CCDC178: variants seen among roughly 807,000 people sequenced by gnomAD.
CCDC178 encodes coiled-coil domain-containing protein 178.
A neutral mutation model predicts 117.4 loss-of-function variants in CCDC178; 126 were observed. That is an observed-to-expected ratio of 1.07 (90% CI 0.93 to 1.24). The LOEUF (loss-of-function observed/expected upper bound fraction) is 1.24. Ranked by LOEUF, CCDC178 falls within the 50% of genes most tolerant of loss-of-function variation. The pLI is 0.00. For missense variants in CCDC178, 1,030 were observed against 986.9 expected, an observed-to-expected ratio of 1.04 and a Z score of -0.59; for synonymous variants, 283 against 313.4, an observed-to-expected ratio of 0.90 and a Z score of 1.02.
intron 20 of CCDC178, among the ~76,000 whole-genome samples, chr18:33,156,660 AAG>A (rs1555652196): frequency 4.0e-5 from 6 of 151,158 alleles, no homozygotes; most frequent in African/African-American, 1.5e-4. Flanking sequence ...AAAAAAAAAA[AAG>A]AGAAAATAAA....
chr18:33,105,327 C>T (rs1394077757), intron 20 of CCDC178, among the ~76,000 whole-genome samples: 1 of 151,588 alleles, frequency 6.6e-6, no homozygotes, highest in East Asian at 1.9e-4. Flanking sequence ...TTAATTTCCC[C>T]ACTTCTGTGA....
At chr18:33,386,396 TACAACAACAAAAACAACAACA>T (rs1362733982) in intron 5 of CCDC178, among the ~76,000 whole-genome samples, 18 of 151,504 alleles carry the variant, frequency 1.2e-4, no homozygotes, top group African/African-American at 4.4e-4. Flanking sequence ...ACAACAGAGA[TACAACAACAAAAACAACAACA>T]ACAACAACAA....
chr18:33,117,829 T>A (rs1359395211), intron 20 of CCDC178, among the ~76,000 whole-genome samples: 2 of 152,112 alleles, frequency 1.3e-5, no homozygotes, highest in Non-Finnish European at 2.9e-5. Context: ...CAAACCCTCA[T>A]TCTTGAAGAG....
At chr18:32,995,241 A>G (rs539242738) in intron 21 of CCDC178, among the ~76,000 whole-genome samples, 47 of 152,338 alleles carry the variant, frequency 3.1e-4, no homozygotes, top group African/African-American at 1.1e-3. Flanking sequence ...AGGGTTTAAC[A>G]ATGTAGTAGA....
chr18:33,130,414 T>C (rs1286900645), intron 20 of CCDC178, among the ~76,000 whole-genome samples: 3 of 152,076 alleles, frequency 2.0e-5, no homozygotes, highest in East Asian at 1.9e-4. Context: ...AATTATTATG[T>C]AGTTTGACTT....
Position 33,045,493 on chromosome 18 carries a change from A to C in CCDC178, c.2388+47268T>G, listed in dbSNP as rs9955804. Among the ~76,000 whole-genome samples the C allele has an allele frequency of 1.1e-3, 160 of 152,302 alleles. 2 individuals are homozygous for C. Among genetic ancestry groups the C allele is most frequent in the African/African-American group, 3.7e-3 (153 of 41,578 alleles). On this transcript the variant is annotated intron_variant, in intron 21 of 22. Transcript: ENST00000383096. The stretch of plus-strand genomic sequence containing the variant: ...ACATCTACTTTGCCAGGTTCTGTGC[A>C]GAGTGTTTGGGAGAACAAATGATGT...
chr18:33,036,482 G>T (rs1178918165), intron 21 of CCDC178, among the ~76,000 whole-genome samples: 1 of 151,866 alleles, frequency 6.6e-6, no homozygotes, highest in Non-Finnish European at 1.5e-5. Context: ...ATGACACAGG[G>T]AGAGAAAGCT....
At chr18:32,986,664 G>T (rs538274873) in intron 21 of CCDC178, among the ~76,000 whole-genome samples, 1 of 152,104 alleles carries the variant, frequency 6.6e-6, no homozygotes, top group Non-Finnish European at 1.5e-5. Context: ...GAGGCTCTGA[G>T]TTGCAAGAAG....
intron 21 of CCDC178, among the ~76,000 whole-genome samples, chr18:33,002,834 A>T (rs1403575779): frequency 6.6e-6 from 1 of 152,178 alleles, no homozygotes. Flanking sequence ...ATCAGAAATG[A>T]AAAAGGAGAC....
chr18:33,235,627 G>C lies in CCDC178; in HGVS notation c.1594-8772C>G, dbSNP rs536524527. On this transcript the variant is annotated intron_variant, in intron 15 of 22. Transcript: ENST00000383096. ...GCACTATGATTCTAACCTGGAACCA[G>C]AGTGACCTGATGTTCTCACTTTTCC... 3.9e-5 allele frequency among the ~76,000 whole-genome samples: 6 copies of C among 152,188 alleles called. No individual in the cohort carries two copies. In the East Asian group the frequency reaches 9.7e-4, roughly 25 times the overall value.
chr18:33,219,224 A>C (rs2059203010), intron 18 of CCDC178, among the ~76,000 whole-genome samples: 1 of 152,140 alleles, frequency 6.6e-6, no homozygotes, highest in African/African-American at 2.4e-5. Context: ...TATCACAATG[A>C]GATACCATCT....
At chr18:33,281,116 A>AT (rs397732677) in intron 12 of CCDC178, among the ~76,000 whole-genome samples, 9,961 of 151,064 alleles carry the variant, frequency 0.066, 526 homozygotes, top group African/African-American at 0.14. Context: ...AATAATAATA[A>AT]AGAAACACAC....
At chr18:33,066,889 C>G (rs1397376228) in intron 21 of CCDC178, among the ~76,000 whole-genome samples, 1 of 152,082 alleles carries the variant, frequency 6.6e-6, no homozygotes, top group Admixed American at 6.5e-5. Flanking sequence ...GAGATAGACT[C>G]TAATACAGTA....
intron 21 of CCDC178, among the ~76,000 whole-genome samples, chr18:33,027,070 T>C (rs1459402936): frequency 6.6e-6 from 1 of 151,854 alleles, no homozygotes; most frequent in African/African-American, 2.4e-5. Context: ...TTGAAATGCA[T>C]TGCAAAACTT....
At chr18:33,357,644 T>C (rs2063074196) in intron 6 of CCDC178, among the ~76,000 whole-genome samples, 1 of 152,134 alleles carries the variant, frequency 6.6e-6, no homozygotes, top group Non-Finnish European at 1.5e-5. Flanking sequence ...TTTCTACAGA[T>C]ATATTCTAAG....
chr18:33,433,413 C>T (rs2144976971), intron 2 of CCDC178, among the ~76,000 whole-genome samples: 1 of 152,224 alleles, frequency 6.6e-6, no homozygotes, highest in Admixed American at 6.5e-5. Flanking sequence ...TTAATTACGA[C>T]CTTGTCAAAA....
chr18:33,168,492 A>T (rs1260500351), intron 20 of CCDC178, among the ~76,000 whole-genome samples: 2 of 152,204 alleles, frequency 1.3e-5, no homozygotes, highest in African/African-American at 2.4e-5. Flanking sequence ...AAGTTAAAAA[A>T]TACTTTTTCC....
At position 33,060,545 on chromosome 18, in the gene CCDC178, AT is replaced by A. The variant is rs112905981; in HGVS notation, c.2388+32215del. Among the ~76,000 whole-genome samples, 561 of 148,802 alleles carry A rather than the reference AT, an allele frequency of 3.8e-3. 2 individuals are homozygous for A. Among genetic ancestry groups the A allele is most frequent in the East Asian group, 0.012 (63 of 5,104 alleles). On this transcript the variant is annotated intron_variant, in intron 21 of 22. Coordinates refer to ENST00000383096, the MANE Select transcript of CCDC178 (RefSeq NM_001105528.4). Reference sequence around the variant, plus strand: ...TTGTACTTTTTAAAATTAAAATTACATTTTTTTTTTTAATTTTTAGTTTCTG... The same window carrying A: ...TTGTACTTTTTAAAATTAAAATTACATTTTTTTTTTAATTTTTAGTTTCTG...
intron 9 of CCDC178, 42 bp from the exon 10 acceptor site, chr18:33,333,436 G>A: frequency 1.1e-6 from 1 of 941,526 alleles, no homozygotes; most frequent in Non-Finnish European, 1.5e-6. Context: ...TCTGATTGGA[G>A]GAAATATTTG....
Sources: gnomAD v4.1 joint callset for allele counts (sites outside exome capture counted in the v4.1 genomes callset) on GRCh38, gnomAD v4.1.1 for gene constraint, MANE v1.5 for transcripts, NCBI Gene and HGNC (gene_info 2026-07-23, HGNC 2026-07-21) for gene names.